The following ABAT variants were observed in gnomAD, a reference collection of about 807,000 sequenced individuals.
ABAT encodes the protein 4-aminobutyrate aminotransferase, mitochondrial.
Under a neutral mutation model 64.6 loss-of-function variants are expected in ABAT, and 45 were observed. That is an observed-to-expected ratio of 0.70 (90% CI 0.55 to 0.89). The LOEUF (loss-of-function observed/expected upper bound fraction) is 0.89. Ranked by LOEUF, ABAT falls within the 40% of genes least tolerant of loss-of-function variation. ABAT has a pLI of 0.00. For missense variants in ABAT, 633 were observed against 658.4 expected (o/e 0.96, Z 0.42); for synonymous variants, 297 against 250.5 (o/e 1.19, Z -1.75).
In ABAT at chr16:8,685,710, C is replaced by T. The variant is rs200957274; in HGVS notation, c.-42+10999C>T. Reference sequence around the variant, plus strand: ...ACAAAAAAACAAACAACAGCAACATCGAAAAAACAAAAAAACAAAAAACCA... The same window carrying T: ...ACAAAAAAACAAACAACAGCAACATTGAAAAAACAAAAAAACAAAAAACCA... On this transcript the variant is annotated intron_variant, in intron 1 of 15. Transcript: ENST00000268251. 8.2e-4 allele frequency among the ~76,000 whole-genome samples: 125 copies of T among 151,892 alleles called. 1 individual carries two copies. In the Middle Eastern group the frequency reaches 0.017, roughly 21 times the overall value.
chr16:8,778,693 T>A (rs1217076010), intron 14 of ABAT, among the ~76,000 whole-genome samples: 1 of 151,810 alleles, frequency 6.6e-6, no homozygotes, highest in East Asian at 1.9e-4. Flanking sequence ...CACAAGAATC[T>A]TTGAACCTGG....
chr16:8,698,630 G>C (rs142146957), intron 1 of ABAT, among the ~76,000 whole-genome samples: 1 of 151,578 alleles, frequency 6.6e-6, no homozygotes, highest in Non-Finnish European at 1.5e-5. Flanking sequence ...CACTGCGCCC[G>C]GCCTTCTGGC....
chr16:8,756,775 T>A (rs1017708323), intron 5 of ABAT, among the ~76,000 whole-genome samples: 2 of 152,218 alleles, frequency 1.3e-5, no homozygotes, highest in Non-Finnish European at 2.9e-5. Flanking sequence ...GGATGTTAGG[T>A]TGCTTTCAAG....
At chr16:8,765,225 A>G (rs117134923) in intron 8 of ABAT, among the ~76,000 whole-genome samples, 6,885 of 151,644 alleles carry the variant, frequency 0.045, 229 homozygotes, top group Middle Eastern at 0.15. Flanking sequence ...AGTCCCAACT[A>G]TTCTGGAGGC....
intron 1 of ABAT, among the ~76,000 whole-genome samples, chr16:8,675,653 G>A (rs963383806): frequency 6.6e-6 from 1 of 152,142 alleles, no homozygotes; most frequent in African/African-American, 2.4e-5. Context: ...TAAGACTGGA[G>A]CTCTTAAAAC....
At chr16:8,685,393 G>A (rs1189679961) in intron 1 of ABAT, among the ~76,000 whole-genome samples, 3 of 151,784 alleles carry the variant, frequency 2.0e-5, no homozygotes, top group Non-Finnish European at 2.9e-5. Context: ...ATGTTACGCC[G>A]GGTGTGGTGG....
chr16:8,716,011 T>C (rs1259965053), intron 1 of ABAT, among the ~76,000 whole-genome samples: 1 of 152,212 alleles, frequency 6.6e-6, no homozygotes, highest in East Asian at 1.9e-4. Flanking sequence ...TGTGGAACTA[T>C]GTTCATAACT....
intron 4 of ABAT, among the ~76,000 whole-genome samples, chr16:8,748,458 T>A (rs1223114920): frequency 6.6e-6 from 1 of 152,216 alleles, no homozygotes; most frequent in Non-Finnish European, 1.5e-5. Context: ...TAGCGTATGG[T>A]CTAGCCTGGA....
intron 5 of ABAT, among the ~76,000 whole-genome samples, chr16:8,753,991 A>G (rs552080366): frequency 6.6e-6 from 1 of 152,172 alleles, no homozygotes; most frequent in Admixed American, 6.5e-5. Flanking sequence ...GGCAGGCAAC[A>G]GAAAGATTGT....
At chr16:8,732,326 G>T (rs1234011955) in intron 1 of ABAT, among the ~76,000 whole-genome samples, 1 of 150,418 alleles carries the variant, frequency 6.6e-6, no homozygotes, top group Non-Finnish European at 1.5e-5. Context: ...AGATAAACAA[G>T]TGAACAAAGG....
At chr16:8,738,622 G>GTTTT (rs1204824310) in intron 2 of ABAT, among the ~76,000 whole-genome samples, 142 of 111,408 alleles carry the variant, frequency 1.3e-3, no homozygotes, top group Middle Eastern at 9.1e-3. Context: ...TTTTGTTTTT[G>GTTTT]TTTTTGTTTT....
chr16:8,761,443 C>T (rs879825369), intron 6 of ABAT, among the ~76,000 whole-genome samples: 6 of 152,238 alleles, frequency 3.9e-5, no homozygotes, highest in Admixed American at 3.3e-4. Context: ...CTCCCACTTT[C>T]TTCTTTAGCC....
rs62031110 is a variant in ABAT at position 8,769,137 on chromosome 16, T to G, written c.816+164T>G. On this transcript the variant is annotated intron_variant, in intron 11 of 15. Coordinates refer to ENST00000268251, the MANE Select transcript of ABAT (RefSeq NM_020686.6). ...CAGAGGCCTTGCGTCCCAAATGTTC[T>G]ATGTTGGGAGAGTTCGTGAGACACA... 2.6e-3 allele frequency among the ~76,000 whole-genome samples: 398 copies of G among 152,296 alleles called. 1 individual carries two copies. The highest frequency in any genetic ancestry group is 5.2e-3 in the Admixed American group (79 of 15,294).
At chr16:8,704,096 T>A (rs1412561527) in intron 1 of ABAT, among the ~76,000 whole-genome samples, 2 of 152,220 alleles carry the variant, frequency 1.3e-5, no homozygotes, top group Non-Finnish European at 2.9e-5. Flanking sequence ...TTTCCCTTTG[T>A]GTCAACTGCA....
intron 1 of ABAT, among the ~76,000 whole-genome samples, chr16:8,705,737 C>A (rs933839435): frequency 6.6e-6 from 1 of 151,962 alleles, no homozygotes; most frequent in African/African-American, 2.4e-5. Flanking sequence ...TTTTTTTGTT[C>A]TGAATCTCAT....
At chr16:8,687,296 G>A (rs1053128179) in intron 1 of ABAT, among the ~76,000 whole-genome samples, 2 of 152,022 alleles carry the variant, frequency 1.3e-5, no homozygotes, top group African/African-American at 4.8e-5. Context: ...AGGCTGAGGC[G>A]GGCGAATCAC....
intron 12 of ABAT, 27 bp downstream of exon 12, chr16:8,772,944 G>A: frequency 1.2e-6 from 2 of 1,612,546 alleles, no homozygotes; most frequent in Non-Finnish European, 1.7e-6. Flanking sequence ...GAGGTTGGAT[G>A]GAGCCATTGG....
At chr16:8,735,046 TAAAA>T (rs34887951) in intron 1 of ABAT, among the ~76,000 whole-genome samples, 1 of 147,546 alleles carries the variant, frequency 6.8e-6, no homozygotes, top group Non-Finnish European at 1.5e-5. Context: ...CATCTCTACT[TAAAA>T]AAAAAAATCA....
chr16:8,726,327 C>G (rs1045676994), intron 1 of ABAT, among the ~76,000 whole-genome samples: 2 of 140,922 alleles, frequency 1.4e-5, no homozygotes, highest in African/African-American at 5.3e-5. Flanking sequence ...GTGGCGCCAT[C>G]TCGGCTCACT....
Sources: allele counts gnomAD v4.1 joint callset (sites outside exome capture counted in the v4.1 genomes callset), GRCh38; gene constraint gnomAD v4.1.1; transcripts MANE v1.5; gene names NCBI Gene and HGNC (gene_info 2026-07-23, HGNC 2026-07-21).